CNTNAP2: variants seen among roughly 807,000 people sequenced by gnomAD.
CNTNAP2 encodes contactin associated protein 2, also known as contactin-associated protein-like 2.
Under a neutral mutation model 155.2 loss-of-function variants are expected in CNTNAP2, and 98 were observed. The observed-to-expected ratio is 0.63, with a 90% CI of 0.54 to 0.75. The LOEUF is 0.75. CNTNAP2 is among the 30% of genes least tolerant of loss of function. The pLI, the probability that CNTNAP2 is intolerant of heterozygous loss-of-function variation, is 0.00. For synonymous variants in CNTNAP2, 651 were observed against 631.2 expected (o/e 1.03, Z -0.47); for missense variants, 1,727 against 1,688.1 (o/e 1.02, Z -0.40).
intron 20 of CNTNAP2, among the ~76,000 whole-genome samples, chr7:148,259,543 G>T (rs1312505176): frequency 6.6e-6 from 1 of 152,176 alleles, no homozygotes; most frequent in African/African-American, 2.4e-5. Flanking sequence ...CTAGGCCTTT[G>T]TCTAGGCCAT....
At chr7:146,719,298 G>A (rs547226906) in intron 1 of CNTNAP2, among the ~76,000 whole-genome samples, 14 of 152,224 alleles carry the variant, frequency 9.2e-5, no homozygotes, top group Non-Finnish European at 4.4e-5. Context: ...GAATAACTAA[G>A]CTGGACATTT....
intron 1 of CNTNAP2, among the ~76,000 whole-genome samples, chr7:146,748,143 C>CTTTTCTTTTTTTTTTTTTTTTTTTTTTT (rs60181692): frequency 1.0e-5 from 1 of 98,004 alleles, no homozygotes; most frequent in African/African-American, 4.1e-5. Flanking sequence ...CTTTTCTTTT[C>CTTTTCTTTTTTTTTTTTTTTTTTTTTTT]TTTTTTTTTT....
chr7:147,524,402 C>CA (rs1425780506), intron 11 of CNTNAP2, among the ~76,000 whole-genome samples: 2 of 152,128 alleles, frequency 1.3e-5, no homozygotes, highest in African/African-American at 4.8e-5. Flanking sequence ...ACAACAACAA[C>CA]AAAAAAGCGT....
chr7:146,426,731 G>A (rs1054438620), intron 1 of CNTNAP2, among the ~76,000 whole-genome samples: 10 of 151,358 alleles, frequency 6.6e-5, no homozygotes, highest in African/African-American at 1.5e-4. Context: ...TTGTTCAAAC[G>A]ACACAAAATA....
chr7:147,266,254 T>C (rs1347214037), intron 8 of CNTNAP2, among the ~76,000 whole-genome samples: 1 of 152,184 alleles, frequency 6.6e-6, no homozygotes, highest in Non-Finnish European at 1.5e-5. Flanking sequence ...CTACAGGAGC[T>C]GCTAACTAGA....
intron 13 of CNTNAP2, among the ~76,000 whole-genome samples, chr7:147,901,023 A>G (rs943906503): frequency 6.6e-6 from 1 of 152,072 alleles, no homozygotes; most frequent in Non-Finnish European, 1.5e-5. Context: ...CCCTACCTTC[A>G]TGGAGCATAG....
At chr7:146,840,193 G>A (rs895718778) in intron 3 of CNTNAP2, among the ~76,000 whole-genome samples, 1 of 152,168 alleles carries the variant, frequency 6.6e-6, no homozygotes, top group African/African-American at 2.4e-5. Context: ...CACGTAAGTT[G>A]AAATAGTGAT....
intron 1 of CNTNAP2, among the ~76,000 whole-genome samples, chr7:146,298,599 A>G (rs1800553190): frequency 6.6e-6 from 1 of 152,122 alleles, no homozygotes; most frequent in Non-Finnish European, 1.5e-5. Context: ...GGGGATTTGG[A>G]GTTTAGCTTT....
At chr7:147,141,904 G>A (rs1008549047) in intron 8 of CNTNAP2, among the ~76,000 whole-genome samples, 1 of 152,052 alleles carries the variant, frequency 6.6e-6, no homozygotes, top group Non-Finnish European at 1.5e-5. Context: ...TAATTCAATA[G>A]TTTCCCATTA....
chr7:147,630,584 A>G (rs1795070017), intron 12 of CNTNAP2, among the ~76,000 whole-genome samples: 1 of 152,172 alleles, frequency 6.6e-6, no homozygotes, highest in African/African-American at 2.4e-5. Context: ...ACAAAATACT[A>G]GCTAACCAAA....
chr7:146,719,021 C>A (rs969137414), intron 1 of CNTNAP2, among the ~76,000 whole-genome samples: 1 of 152,154 alleles, frequency 6.6e-6, no homozygotes, highest in African/African-American at 2.4e-5. Flanking sequence ...GGATGGTTTA[C>A]ATTTATTAGC....
In CNTNAP2 at chr7:147,936,689, C is replaced by A. The variant is rs137980043; in HGVS notation, c.2255+32968C>A. ...CTCTATCTCCTTGAAAGAGAATAAA[C>A]AACTAAAAACAATGCTGCACCCCCA... is the stretch of plus-strand genomic sequence containing the variant. On this transcript the variant is annotated intron_variant, in intron 14 of 23. Coordinates refer to ENST00000361727, the MANE Select transcript of CNTNAP2 (RefSeq NM_014141.6). Among the ~76,000 whole-genome samples, 69 of 152,138 alleles carry A rather than the reference C, an allele frequency of 4.5e-4. 1 individual carries two copies. In the East Asian group the frequency reaches 0.013, roughly 29 times the overall value.
intron 13 of CNTNAP2, among the ~76,000 whole-genome samples, chr7:147,653,111 A>C (rs1795473033): frequency 6.6e-6 from 1 of 152,256 alleles, no homozygotes; most frequent in Non-Finnish European, 1.5e-5. Flanking sequence ...TTTGACTTTC[A>C]TGTTTTTAAT....
At chr7:148,389,161 A>ATTCTT (rs1413984875) in intron 22 of CNTNAP2, among the ~76,000 whole-genome samples, 3 of 152,088 alleles carry the variant, frequency 2.0e-5, no homozygotes, top group Non-Finnish European at 4.4e-5. Context: ...GGCTCCTCCT[A>ATTCTT]TTCTTTTATT....
chr7:147,105,558 G>A (rs1158691370), intron 4 of CNTNAP2, among the ~76,000 whole-genome samples: 1 of 151,950 alleles, frequency 6.6e-6, no homozygotes, highest in African/African-American at 2.4e-5. Context: ...TGTGATGGAT[G>A]TTCTTTACAT....
chr7:147,640,778 G>T (rs1795259175), intron 13 of CNTNAP2, among the ~76,000 whole-genome samples: 1 of 152,194 alleles, frequency 6.6e-6, no homozygotes, highest in South Asian at 2.1e-4. Flanking sequence ...TACAGAGACA[G>T]AGAGAGGAAG....
At chr7:147,357,510 T>C (rs556822685) in intron 9 of CNTNAP2, among the ~76,000 whole-genome samples, 96 of 152,010 alleles carry the variant, frequency 6.3e-4, no homozygotes, top group African/African-American at 2.1e-3. Context: ...GGTACTGAAA[T>C]GAGTAATATT....
chr7:146,294,711 C>A (rs1800485020), intron 1 of CNTNAP2, among the ~76,000 whole-genome samples: 1 of 152,108 alleles, frequency 6.6e-6, no homozygotes, highest in Admixed American at 6.6e-5. Flanking sequence ...AGAGCCTGAA[C>A]CTTAGAGAAT....
At position 146,260,995 on chromosome 7, in the gene CNTNAP2, G is replaced by A. The variant is rs183277294; in HGVS notation, c.97+144022G>A. Among the ~76,000 whole-genome samples, 61 of 152,242 alleles carry A rather than the reference G, an allele frequency of 4.0e-4. 1 individual carries two copies. The highest frequency in any genetic ancestry group is 1.4e-3 in the African/African-American group (58 of 41,542). ...ACTTGGTGAGAGGTGATTGGTTCAT[G>A]GCAGTGGTTTCTCCCAGGCTGTTCT... On this transcript the variant is annotated intron_variant, in intron 1 of 23. Coordinates refer to ENST00000361727, the MANE Select transcript of CNTNAP2 (RefSeq NM_014141.6).
Sources: gnomAD v4.1 joint callset for allele counts (sites outside exome capture counted in the v4.1 genomes callset) on GRCh38, gnomAD v4.1.1 for gene constraint, MANE v1.5 for transcripts, NCBI Gene and HGNC (gene_info 2026-07-23, HGNC 2026-07-21) for gene names.